PEAK1: variants seen among roughly 807,000 people sequenced by gnomAD.
PEAK1 encodes pseudopodium enriched atypical kinase 1.
A neutral mutation model predicts 124.7 loss-of-function variants in PEAK1; 54 were observed. The ratio of observed to expected loss-of-function variants is 0.43; its 90% CI spans 0.35 to 0.54. The LOEUF (loss-of-function observed/expected upper bound fraction) is 0.54. Among genes scored for constraint, PEAK1 ranks in the 20% least tolerant of loss-of-function variants. The probability of loss-of-function intolerance (pLI) is 0.01; values close to 1 mark genes in which losing one functional copy is unlikely to be tolerated. For synonymous variants in PEAK1, 719 were observed against 760.0 expected (o/e 0.95, Z 0.89); for missense variants, 2,046 against 2,134.5 (o/e 0.96, Z 0.82).
intron 2 of PEAK1, among the ~76,000 whole-genome samples, chr15:77,289,860 A>C (rs950322611): frequency 2.0e-5 from 3 of 152,194 alleles, no homozygotes; most frequent in Admixed American, 6.5e-5. Context: ...AAAACACCTA[A>C]GATAATACAC....
Position 77,196,912 on chromosome 15 carries a change from C to T in PEAK1, c.-114-14872G>A, listed in dbSNP as rs182883333. On this transcript the variant is annotated intron_variant, in intron 6 of 9. Transcript: ENST00000682557. ...TCACTCAGGCTGGAGTGCAATGGTGCGATCATGGCTCACTGCAGCCTCGAC... is the reference window on the plus strand; with the variant it reads ...TCACTCAGGCTGGAGTGCAATGGTGTGATCATGGCTCACTGCAGCCTCGAC... Among the ~76,000 whole-genome samples the T allele has an allele frequency of 7.9e-5, 12 of 152,174 alleles. No individual in the cohort carries two copies. In the East Asian group the frequency reaches 1.5e-3, roughly 20 times the overall value.
intron 7 of PEAK1, among the ~76,000 whole-genome samples, chr15:77,164,460 T>C (rs1186366331): frequency 6.6e-6 from 1 of 152,218 alleles, no homozygotes; most frequent in East Asian, 1.9e-4. Context: ...GAACTCTAAT[T>C]TTCTGAAATT....
chr15:77,209,620 T>C (rs2058814944), intron 6 of PEAK1, among the ~76,000 whole-genome samples: 2 of 152,196 alleles, frequency 1.3e-5, no homozygotes, highest in Admixed American at 1.3e-4. Flanking sequence ...TCCTTCTGCC[T>C]CAGGATCCTT....
At chr15:77,403,466 C>A (rs2142031717) in intron 1 of PEAK1, 1 of 935,528 alleles carries the variant, frequency 1.1e-6, no homozygotes, top group Non-Finnish European at 1.3e-6. Flanking sequence ...TTAAAGAGTT[C>A]TCATATTCCA....
chr15:77,338,615 ACAC>A lies in PEAK1; in HGVS notation c.-603+26545_-603+26547del, dbSNP rs927404506. Reference sequence around the variant, plus strand: ...ATTGTATATACATTCTAAAAAACATACACCACATGAAAAATCTTTAAAAAAAAA... The same window carrying A: ...ATTGTATATACATTCTAAAAAACATACACATGAAAAATCTTTAAAAAAAAA... On this transcript the variant is annotated intron_variant, in intron 2 of 9. Transcript: ENST00000682557. Among the ~76,000 whole-genome samples the A allele has an allele frequency of 1.1e-3, 142 of 126,340 alleles. 1 individual carries two copies. Among genetic ancestry groups the A allele is most frequent in the African/African-American group, 4.2e-3 (138 of 32,996 alleles). The allele number at this position is 126,340 out of a possible 152,430, so 82.9% of individuals were successfully genotyped here.
intron 7 of PEAK1, among the ~76,000 whole-genome samples, chr15:77,161,872 A>C (rs911613812): frequency 2.0e-5 from 3 of 150,404 alleles, no homozygotes; most frequent in African/African-American, 7.3e-5. Flanking sequence ...AGGCTGAGGC[A>C]GGACAATTGC....
chr15:77,342,715 T>A (rs2066620811), intron 2 of PEAK1, among the ~76,000 whole-genome samples: 1 of 152,194 alleles, frequency 6.6e-6, no homozygotes, highest in African/African-American at 2.4e-5. Context: ...GGCTTGCATA[T>A]GTCTTTTTGT....
intron 1 of PEAK1, among the ~76,000 whole-genome samples, chr15:77,381,665 C>T (rs1005992863): frequency 6.6e-6 from 1 of 152,172 alleles, no homozygotes; most frequent in African/African-American, 2.4e-5. Context: ...ACTCTCCCAA[C>T]ATTTTCTCCA....
chr15:77,417,957 A>G, intron 1 of PEAK1: 1 of 971,680 alleles, frequency 1.0e-6, no homozygotes, highest in African/African-American at 1.8e-5. Flanking sequence ...CATTACCATA[A>G]ATGTACAAAG....
chr15:77,248,320 T>A (rs1387122872), intron 6 of PEAK1, among the ~76,000 whole-genome samples: 1 of 152,214 alleles, frequency 6.6e-6, no homozygotes, highest in Admixed American at 6.5e-5. Flanking sequence ...GATATCCTCA[T>A]ATATAAAATG....
chr15:77,114,523 A>G lies in PEAK1; in HGVS notation c.4874T>C (p.Leu1625Pro). The change falls in exon 10 of 10, where the codon CTG (leucine) becomes CCG (proline). Residue 1625 changes from leucine (L) to proline (P), a missense_variant. Physicochemically the swap from Leu to Pro is moderately conservative, Grantham distance 98. Coordinates refer to ENST00000682557, the MANE Select transcript of PEAK1 (RefSeq NM_001385026.1). The stretch of plus-strand genomic sequence containing the variant: ...GGGGGAGCGGAATGGGATGCGAGGC[A>G]GGTCTGCTCGTGTGTATTCCCTCTC... ...LKEREYTRAD[L>P]PRIPFRSPYS... 2 of 1,614,110 alleles carry G rather than the reference A, an allele frequency of 1.2e-6. No homozygotes were observed. The highest frequency in any genetic ancestry group is 1.1e-5 in the South Asian group (1 of 91,084).
At chr15:77,146,402 C>T (rs1487961958) in intron 8 of PEAK1, among the ~76,000 whole-genome samples, 1 of 152,102 alleles carries the variant, frequency 6.6e-6, no homozygotes, top group Non-Finnish European at 1.5e-5. Flanking sequence ...GATATAAAGA[C>T]CATTTTAAAG....
At chr15:77,194,541 A>C (rs1375067814) in intron 6 of PEAK1, among the ~76,000 whole-genome samples, 1 of 152,140 alleles carries the variant, frequency 6.6e-6, no homozygotes, top group East Asian at 1.9e-4. Flanking sequence ...TCCCCTGTGA[A>C]GTCTCACATC....
chr15:77,379,610 T>C (rs2141798319), intron 1 of PEAK1, among the ~76,000 whole-genome samples: 1 of 152,202 alleles, frequency 6.6e-6, no homozygotes, highest in South Asian at 2.1e-4. Context: ...TAGAAGTGTA[T>C]ATCTAGAGTA....
At chr15:77,406,387 A>G (rs766570532) in intron 1 of PEAK1, among the ~76,000 whole-genome samples, 3 of 152,178 alleles carry the variant, frequency 2.0e-5, no homozygotes, top group Non-Finnish European at 2.9e-5. Context: ...AACCCTAAAG[A>G]CTCATCCAAA....
chr15:77,321,884 G>A (rs539796832), intron 2 of PEAK1, among the ~76,000 whole-genome samples: 16 of 152,212 alleles, frequency 1.1e-4, no homozygotes, highest in African/African-American at 3.1e-4. Context: ...TGGCTAGCCA[G>A]TACTCTTCAG....
At chr15:77,277,530 T>C (rs921157087) in intron 5 of PEAK1, among the ~76,000 whole-genome samples, 3 of 152,202 alleles carry the variant, frequency 2.0e-5, no homozygotes, top group Admixed American at 1.3e-4. Context: ...ACTCGGTGAA[T>C]GGTACAGTAA....
chr15:77,155,969 G>C (rs1596384338), intron 8 of PEAK1: 1 of 152,886 alleles, frequency 6.5e-6, no homozygotes, highest in South Asian at 2.1e-4. Flanking sequence ...TGAGGAGGCA[G>C]TCTGCCCGTT....
chr15:77,401,811 C>T, intron 1 of PEAK1: 4 of 983,866 alleles, frequency 4.1e-6, no homozygotes, highest in Non-Finnish European at 4.8e-6. Flanking sequence ...AAATTATTTA[C>T]AACATGATTA....
Sources: allele counts gnomAD v4.1 joint callset (sites outside exome capture counted in the v4.1 genomes callset), GRCh38; gene constraint gnomAD v4.1.1; transcripts MANE v1.5; gene names NCBI Gene and HGNC (gene_info 2026-07-23, HGNC 2026-07-21).